IQCK: variants seen among roughly 807,000 people sequenced by gnomAD.
IQCK encodes IQ domain-containing protein K.
A neutral mutation model predicts 28.1 loss-of-function variants in IQCK; 29 were observed. The observed-to-expected ratio is 1.03, with a 90% CI of 0.77 to 1.41. The LOEUF (loss-of-function observed/expected upper bound fraction) is 1.41. IQCK is among the 40% of genes most tolerant of loss of function. The pLI is 0.00. For synonymous variants in IQCK, 113 were observed against 115.1 expected, an observed-to-expected ratio of 0.98 and a Z score of 0.12; for missense variants, 359 against 314.7, an observed-to-expected ratio of 1.14 and a Z score of -1.07.
chr16:19,765,537 C>A (rs1040454261), intron 6 of IQCK, among the ~76,000 whole-genome samples: 29 of 149,538 alleles, frequency 1.9e-4, no homozygotes, highest in East Asian at 3.9e-4. Flanking sequence ...GACTCTGTCT[C>A]AAAAAAAAAA....
chr16:19,858,093 T>A, exon 10 of IQCK: 2 of 163,650 alleles, frequency 1.2e-5, no homozygotes, highest in East Asian at 1.7e-4. Flanking sequence ...AGAGGTGCCA[T>A]TTAATTTTGT....
chr16:19,774,117 CAAAG>C (rs2055355347), intron 6 of IQCK, among the ~76,000 whole-genome samples: 1 of 152,064 alleles, frequency 6.6e-6, no homozygotes, highest in Admixed American at 6.6e-5. Context: ...TTCTAGAAGT[CAAAG>C]AAGTGACAGT....
At chr16:19,719,295 G>A (rs1204327286) in intron 1 of IQCK, among the ~76,000 whole-genome samples, 1 of 152,088 alleles carries the variant, frequency 6.6e-6, no homozygotes, top group African/African-American at 2.4e-5. Flanking sequence ...ATAATGTTGG[G>A]TGGGATGTTT....
chr16:19,735,713 T>C, intron 4 of IQCK: 1 of 448,146 alleles, frequency 2.2e-6, no homozygotes, highest in Non-Finnish European at 4.1e-6. Context: ...CCTGTGCAGT[T>C]TGGCATCCAC....
chr16:19,728,078 A>G (rs1977716042), intron 1 of IQCK, among the ~76,000 whole-genome samples: 1 of 151,384 alleles, frequency 6.6e-6, no homozygotes, highest in South Asian at 2.1e-4. Flanking sequence ...AGCCCTTAAA[A>G]GAAGTCAGAT....
At chr16:19,756,714 A>G (rs991387814) in intron 4 of IQCK, among the ~76,000 whole-genome samples, 1 of 152,074 alleles carries the variant, frequency 6.6e-6, no homozygotes, top group African/African-American at 2.4e-5. Context: ...TGGCTAACAC[A>G]GTGAAACCCC....
At chr16:19,724,457 C>T (rs545474780) in intron 1 of IQCK, among the ~76,000 whole-genome samples, 9 of 152,270 alleles carry the variant, frequency 5.9e-5, no homozygotes, top group South Asian at 2.1e-4. Context: ...TCACTCCCAG[C>T]GTCATCTTCC....
At chr16:19,852,789 A>AT (rs1178764048) in intron 9 of IQCK, among the ~76,000 whole-genome samples, 10 of 151,450 alleles carry the variant, frequency 6.6e-5, no homozygotes, top group Non-Finnish European at 1.5e-4. Flanking sequence ...TGCCCGGCTA[A>AT]TTTTTTGTGT....
chr16:19,853,687 AG>A (rs1463074542), intron 9 of IQCK, among the ~76,000 whole-genome samples: 1 of 152,132 alleles, frequency 6.6e-6, no homozygotes, highest in African/African-American at 2.4e-5. Flanking sequence ...GCTGGAGTGC[AG>A]TAACACGATC....
intron 9 of IQCK, among the ~76,000 whole-genome samples, chr16:19,839,802 G>C (rs2056343803): frequency 6.6e-6 from 1 of 151,912 alleles, no homozygotes; most frequent in Admixed American, 6.6e-5. Flanking sequence ...ACTAGCCTGG[G>C]CAGTGTTAAG....
At chr16:19,837,649 T>C (rs2056314297) in intron 9 of IQCK, among the ~76,000 whole-genome samples, 1 of 152,226 alleles carries the variant, frequency 6.6e-6, no homozygotes, top group Admixed American at 6.5e-5. Flanking sequence ...GTTTTAGTAA[T>C]ATTTTTTAAA....
intron 1 of IQCK, among the ~76,000 whole-genome samples, chr16:19,725,199 A>C (rs867316450): frequency 6.6e-5 from 10 of 152,034 alleles, no homozygotes; most frequent in African/African-American, 1.9e-4. Flanking sequence ...ATTTAAAAAA[A>C]TTTTTTTTTA....
chr16:19,736,692 T>G (rs1471881474), intron 4 of IQCK, among the ~76,000 whole-genome samples: 1 of 152,192 alleles, frequency 6.6e-6, no homozygotes, highest in African/African-American at 2.4e-5. Context: ...TGCTGAGTGC[T>G]GCATCTTCCA....
At position 19,770,910 on chromosome 16, in the gene IQCK, A is replaced by G. The variant is rs187115478; in HGVS notation, c.605+6798A>G. ...AGTGTTGGGATTACAGGCGTGAGCCATCTCTCCTGGCCTCTCTGACTCTCT... is the reference window on the plus strand; with the variant it reads ...AGTGTTGGGATTACAGGCGTGAGCCGTCTCTCCTGGCCTCTCTGACTCTCT... On this transcript the variant is annotated intron_variant, in intron 6 of 7. Coordinates refer to ENST00000564186, the Ensembl canonical transcript of IQCK. Among the ~76,000 whole-genome samples, 318 of 152,280 alleles carry G rather than the reference A, an allele frequency of 2.1e-3. 2 individuals are homozygous for G. The highest frequency in any genetic ancestry group is 0.01 in the Middle Eastern group (3 of 292).
intron 7 of IQCK, among the ~76,000 whole-genome samples, chr16:19,824,618 G>C (rs1388817950): frequency 1.3e-5 from 2 of 152,208 alleles, no homozygotes; most frequent in Non-Finnish European, 2.9e-5. Flanking sequence ...TTGTCTCACA[G>C]CATTCTTTTG....
In IQCK at chr16:19,808,160, C is replaced by A. The variant is rs570310768; in HGVS notation, c.691-18866C>A. Among the ~76,000 whole-genome samples, 8 of 152,282 alleles carry A rather than the reference C, an allele frequency of 5.3e-5. No homozygotes were observed. The South Asian group carries it at 1.7e-3, about 32-fold the overall frequency. Reference sequence around the variant, plus strand: ...CGGCAGGCCAAAATAGGCCACAGCACTATAAATAGTGGATTTGGGCTGCTT... The same window carrying A: ...CGGCAGGCCAAAATAGGCCACAGCAATATAAATAGTGGATTTGGGCTGCTT... On this transcript the variant is annotated intron_variant, in intron 7 of 7. Transcript: ENST00000564186.
rs1437986513 is a variant in IQCK, at chr16:19,825,947, T to G, written c.691-1079T>G. ...GTTGAGCACTTGAAATGAAGTATGT[T>G]GTAAGTGCAAAAACACACAGTGTTG... On this transcript the variant is annotated intron_variant, in intron 7 of 7. Transcript: ENST00000564186. This position sits in a 1 kb window ranked among gnomAD's most constrained non-coding sequence, Gnocchi z 4.2. Among the ~76,000 whole-genome samples the G allele has an allele frequency of 1.3e-5, 2 of 152,218 alleles. No homozygotes were observed. The highest frequency in any genetic ancestry group is 4.8e-5 in the African/African-American group (2 of 41,466).
rs1039187568 is a variant in IQCK, at chr16:19,767,119, G to A, written c.605+3007G>A. 5.3e-5 allele frequency among the ~76,000 whole-genome samples: 8 copies of A among 152,320 alleles called. No individual in the cohort carries two copies. In the East Asian group the frequency reaches 1.5e-3, roughly 29 times the overall value. ...GTGCCCTGCTGCTCAAACCTCTAGG[G>A]GAGCATACAGGCAGGCAGGTTGTCG... is the stretch of plus-strand genomic sequence containing the variant. On this transcript the variant is annotated intron_variant, in intron 6 of 7. Transcript: ENST00000564186.
intron 6 of IQCK, among the ~76,000 whole-genome samples, chr16:19,768,943 T>G (rs1231332786): frequency 1.3e-5 from 2 of 152,070 alleles, no homozygotes; most frequent in African/African-American, 4.8e-5. Flanking sequence ...TGGTTCAGAG[T>G]CTCCCATGAG....
Sources: allele counts gnomAD v4.1 joint callset (sites outside exome capture counted in the v4.1 genomes callset), GRCh38; gene constraint gnomAD v4.1.1; non-coding constraint Gnocchi (gnomAD v3.1); transcripts MANE v1.5; gene names NCBI Gene and HGNC (gene_info 2026-07-23, HGNC 2026-07-21).